Variants in NEDD4L observed in about 807,000 individuals in gnomAD.
The protein encoded by NEDD4L is NEDD4 like E3 ubiquitin protein ligase, also known as E3 ubiquitin-protein ligase NEDD4-like.
A neutral mutation model predicts 148.9 loss-of-function variants in NEDD4L; 54 were observed. That is an observed-to-expected ratio of 0.36 (90% CI 0.29 to 0.45). The LOEUF (loss-of-function observed/expected upper bound fraction) is 0.45, where lower values mean the gene tolerates loss of function less well. Ranked by LOEUF, NEDD4L falls within the 20% of genes least tolerant of loss-of-function variation. The probability of loss-of-function intolerance (pLI) is 1.00; values close to 1 mark genes in which losing one functional copy is unlikely to be tolerated. For missense variants in NEDD4L, 856 were observed against 1,233.8 expected, an observed-to-expected ratio of 0.69 and a Z score of 4.59; for synonymous variants, 433 against 440.7, an observed-to-expected ratio of 0.98 and a Z score of 0.22.
In NEDD4L at chr18:58,397,892, A is replaced by G. The variant is rs2050595348; in HGVS notation, c.*1623A>G. 6.6e-6 allele frequency: 1 copy of G among 152,572 alleles called. No homozygotes were observed. Among genetic ancestry groups the G allele is most frequent in the African/African-American group, 2.4e-5 (1 of 41,406 alleles). The allele number at this position is 152,572 out of a possible 1,614,324, so 9.5% of individuals were successfully genotyped here. On this transcript the variant is annotated 3_prime_UTR_variant, in exon 31 of 31. Coordinates refer to ENST00000400345, the MANE Select transcript of NEDD4L (RefSeq NM_001144967.3). ...AGATTTGATCTCATGCGAGTCATCA[A>G]TAGGACAAAAAAGTTGTGGTTTGGG... is the stretch of plus-strand genomic sequence containing the variant.
intron 2 of NEDD4L, among the ~76,000 whole-genome samples, chr18:58,184,620 T>A (rs965817223): frequency 5.9e-5 from 9 of 151,968 alleles, no homozygotes; most frequent in Non-Finnish European, 1.2e-4. Flanking sequence ...GAAGTCTTGG[T>A]TTTTGGGTTT....
rs894935212 is a variant in NEDD4L at position 58,264,555 on chromosome 18, TG to T, written c.297+12506del. Reference sequence around the variant, plus strand: ...ACATGTGATATCTTGTACCTGTTTATGGGGGTACATGTGATATCTTGTTAAC... The same window carrying T: ...ACATGTGATATCTTGTACCTGTTTATGGGGTACATGTGATATCTTGTTAAC... On this transcript the variant is annotated intron_variant, in intron 5 of 30. Transcript: ENST00000400345. 8.6e-5 allele frequency among the ~76,000 whole-genome samples: 13 copies of T among 152,044 alleles called. 1 individual carries two copies. Among genetic ancestry groups the T allele is most frequent in the Non-Finnish European group, 1.5e-5 (1 of 67,960 alleles).
At chr18:58,349,410 C>G in intron 16 of NEDD4L, 127 bp from the exon 17 acceptor site, 1 of 692,030 alleles carries the variant, frequency 1.4e-6, no homozygotes, top group Middle Eastern at 2.4e-4. Context: ...GAGATGGGAC[C>G]CATCTCACGC....
Position 58,256,042 on chromosome 18 carries a change from G to A in NEDD4L, c.297+3988G>A. 4 of 1,229,612 alleles carry A rather than the reference G, an allele frequency of 3.3e-6. No homozygotes were observed. The highest frequency in any genetic ancestry group is 1.6e-5 in the African/African-American group (1 of 64,380). 76.2% of individuals were successfully genotyped at this position (1,229,612 alleles called of 1,614,324 possible). On this transcript the variant is annotated intron_variant, in intron 5 of 30. Coordinates refer to ENST00000400345, the MANE Select transcript of NEDD4L (RefSeq NM_001144967.3). This position sits in a 1 kb window ranked among gnomAD's most constrained non-coding sequence, Gnocchi z 5.2. ...ACCAGGCCTCCGCCACTGCCACCAC[G>A]AGGGCCTCGCCCCAGAGTGGCTCCC...
At chr18:58,322,794 G>T (rs552810835) in intron 7 of NEDD4L, among the ~76,000 whole-genome samples, 21 of 98,222 alleles carry the variant, frequency 2.1e-4, no homozygotes, top group South Asian at 7.8e-4. Flanking sequence ...TGGGTGGGGA[G>T]GCCTGCCTTG....
chr18:58,281,792 G>A (rs1181874487), intron 5 of NEDD4L, among the ~76,000 whole-genome samples: 4 of 152,028 alleles, frequency 2.6e-5, no homozygotes, highest in Admixed American at 6.5e-5. Flanking sequence ...TTGGGAAGCC[G>A]AGACGGGCGG....
chr18:58,388,890 C>G, intron 27 of NEDD4L, 195 bp from the exon 28 acceptor site: 1 of 603,272 alleles, frequency 1.7e-6, no homozygotes. Flanking sequence ...GAGCTGCCCT[C>G]GTGACTGCTG....
intron 22 of NEDD4L, among the ~76,000 whole-genome samples, chr18:58,369,569 T>C (rs1426806777): frequency 6.6e-6 from 1 of 152,118 alleles, no homozygotes; most frequent in Non-Finnish European, 1.5e-5. Flanking sequence ...CACTGGAGTC[T>C]ATTGGAGCCT....
At chr18:58,305,482 T>G (rs1176186087) in intron 5 of NEDD4L, among the ~76,000 whole-genome samples, 1 of 152,208 alleles carries the variant, frequency 6.6e-6, no homozygotes, top group Non-Finnish European at 1.5e-5. Context: ...CTCTGGTTAA[T>G]GGCACACCTC....
chr18:58,134,140 A>G (rs2032524816), intron 1 of NEDD4L, among the ~76,000 whole-genome samples: 1 of 152,036 alleles, frequency 6.6e-6, no homozygotes, highest in Admixed American at 6.6e-5. Context: ...AGCTGGGACT[A>G]CAGGCGCGTG....
In NEDD4L at chr18:58,366,113, A is replaced by G. The variant is rs2046079502; in HGVS notation, c.1948A>G (p.Ile650Val). The change falls in exon 21 of 31, where the codon ATT (isoleucine) becomes GTT (valine). Residue 650 changes from isoleucine (I) to valine (V), a missense_variant. Coordinates refer to ENST00000400345, the MANE Select transcript of NEDD4L (RefSeq NM_001144967.3). The surrounding 1 kb of genome is among the most constrained non-coding windows in gnomAD (Gnocchi z 4.2). Reference protein sequence around the residue: ...RPDVLKARLWIEFESEKGLDY... With the variant: ...RPDVLKARLWVEFESEKGLDY... Reference sequence around the variant, plus strand: ...AGATGTCCTAAAAGCTAGACTGTGGATTGAGTTTGAATCAGAGAAAGGTCT... The same window carrying G: ...AGATGTCCTAAAAGCTAGACTGTGGGTTGAGTTTGAATCAGAGAAAGGTCT... 14 of 1,613,714 alleles carry G rather than the reference A, an allele frequency of 8.7e-6. No homozygotes were observed. Among genetic ancestry groups the G allele is most frequent in the Non-Finnish European group, 1.2e-5 (14 of 1,179,782 alleles).
chr18:58,307,689 G>T (rs2057229036), intron 5 of NEDD4L, among the ~76,000 whole-genome samples: 1 of 152,190 alleles, frequency 6.6e-6, no homozygotes, highest in East Asian at 1.9e-4. Context: ...GGACTGTGAG[G>T]TTCAGATGCC....
At chr18:58,324,054 C>T (rs962567004) in intron 8 of NEDD4L, among the ~76,000 whole-genome samples, 1 of 152,250 alleles carries the variant, frequency 6.6e-6, no homozygotes, top group African/African-American at 2.4e-5. Flanking sequence ...TACCCGAACA[C>T]TCCTCCGCCT....
At chr18:58,121,583 T>G (rs531948148) in intron 1 of NEDD4L, among the ~76,000 whole-genome samples, 1 of 152,218 alleles carries the variant, frequency 6.6e-6, no homozygotes, top group South Asian at 2.1e-4. Flanking sequence ...TAACAAAAAT[T>G]TTTTTTGTAG....
intron 1 of NEDD4L, among the ~76,000 whole-genome samples, chr18:58,048,869 G>C (rs1315866838): frequency 1.3e-5 from 2 of 152,082 alleles, no homozygotes; most frequent in Non-Finnish European, 2.9e-5. Context: ...GTTGTCTTAG[G>C]GGTCTTTCTA....
chr18:58,258,622 T>A (rs1199695940), intron 5 of NEDD4L, among the ~76,000 whole-genome samples: 1 of 152,202 alleles, frequency 6.6e-6, no homozygotes, highest in African/African-American at 2.4e-5. Flanking sequence ...GAATATAAAT[T>A]CTGGAATAAA....
intron 5 of NEDD4L, among the ~76,000 whole-genome samples, chr18:58,302,547 A>G (rs1036079507): frequency 1.1e-4 from 17 of 152,216 alleles, no homozygotes; most frequent in Non-Finnish European, 2.4e-4. Flanking sequence ...AAATAACTGT[A>G]TGCTTTCCAG....
intron 2 of NEDD4L, among the ~76,000 whole-genome samples, chr18:58,243,956 A>C (rs1332295729): frequency 2.6e-5 from 4 of 152,186 alleles, no homozygotes; most frequent in Non-Finnish European, 5.9e-5. Flanking sequence ...ATAAATACAC[A>C]CGTGAACACA....
intron 2 of NEDD4L, chr18:58,195,402 C>T (rs150464933): frequency 2.4e-6 from 3 of 1,270,310 alleles, no homozygotes; most frequent in Non-Finnish European, 3.1e-6. Flanking sequence ...TTCCGTGTTC[C>T]CCACATTTGA....
Sources: allele counts gnomAD v4.1 joint callset (sites outside exome capture counted in the v4.1 genomes callset), GRCh38; gene constraint gnomAD v4.1.1; non-coding constraint Gnocchi (gnomAD v3.1); transcripts MANE v1.5; gene names NCBI Gene and HGNC (gene_info 2026-07-23, HGNC 2026-07-21).